SLC2A4RG: variants seen among roughly 807,000 people sequenced by gnomAD.
SLC2A4RG encodes GLUT4 enhancer factor.
SLC2A4RG carries 23 observed loss-of-function variants against 35.5 expected under a neutral mutation model. That is an observed-to-expected ratio of 0.65 (90% CI 0.47 to 0.92). The LOEUF is 0.92. SLC2A4RG is among the 40% of genes least tolerant of loss of function. The probability of loss-of-function intolerance (pLI) is 0.00; values close to 1 mark genes in which losing one functional copy is unlikely to be tolerated. For synonymous variants in SLC2A4RG, 306 were observed against 243.7 expected (o/e 1.26, Z -2.38); for missense variants, 539 against 525.0 (o/e 1.03, Z -0.26).
rs769721269 is a variant in SLC2A4RG, at chr20:63,742,736, C to T, written c.998C>T (p.Thr333Met). The T allele has an allele frequency of 1.0e-4, 165 of 1,596,298 alleles. No individual in the cohort carries two copies. The highest frequency in any genetic ancestry group is 1.4e-4 in the Non-Finnish European group (160 of 1,172,788). ...LTPARLEPQP[T>M]EVGACPPALS... ...CCCGCCCGCCTGGAGCCGCAGCCCA[C>T]GGAGGTCGGAGCCTGCCCACCCGCC... The change falls in exon 7 of 8, where the codon ACG becomes ATG. Residue 333 changes from threonine (T) to methionine (M), a missense_variant. Coordinates refer to ENST00000266077, the MANE Select transcript of SLC2A4RG (RefSeq NM_020062.4).
rs1404026636 is a variant in SLC2A4RG at position 63,741,883 on chromosome 20, C to T, written c.406C>T (p.Pro136Ser). 2.5e-6 allele frequency: 4 copies of T among 1,601,892 alleles called. No homozygotes were observed. The highest frequency in any genetic ancestry group is 1.1e-5 in the South Asian group (1 of 89,542). ...TGTCCCCACAGAGCCTGGCCTGGAGCCCTGGAAGGAGGCCCTGGTGCGGCC... is the reference window on the plus strand; with the variant it reads ...TGTCCCCACAGAGCCTGGCCTGGAGTCCTGGAAGGAGGCCCTGGTGCGGCC... The part of the protein sequence containing the change: ...AAFSPEPGLE[P>S]WKEALVRPPG... Residue 136 changes from proline to serine, a missense_variant, in exon 4 of 8, where the codon CCC (proline) becomes TCC (serine). Pro to Ser is a moderately conservative substitution (Grantham distance 74, BLOSUM62 -1). Coordinates refer to ENST00000266077, the MANE Select transcript of SLC2A4RG (RefSeq NM_020062.4).
chr20:63,741,957 C>A lies in SLC2A4RG; in HGVS notation c.480C>A (p.Asp160Glu), dbSNP rs2092044065. The change falls in exon 4 of 8, where the codon GAC becomes GAA. Residue 160 changes from aspartate to glutamate, a missense_variant. Coordinates refer to ENST00000266077, the MANE Select transcript of SLC2A4RG (RefSeq NM_020062.4). ...SSSNSGDWGW[D>E]LASDQSSPST... The stretch of plus-strand genomic sequence containing the variant: ...GCAACAGTGGAGACTGGGGATGGGA[C>A]CTGGCCAGTGACCAGTCCTCTCCGT... 6.2e-7 allele frequency: 1 copy of A among 1,612,882 alleles called. No individual in the cohort carries two copies. Among genetic ancestry groups the A allele is most frequent in the Admixed American group, 1.7e-5 (1 of 60,012 alleles).
intron 4 of SLC2A4RG, 34 bp from the exon 5 acceptor site, chr20:63,742,096 C>T (rs765151449): frequency 2.3e-5 from 37 of 1,605,674 alleles, no homozygotes; most frequent in Middle Eastern, 3.3e-4. Flanking sequence ...GCGGGTGTGG[C>T]GGCTGAGCCT....
At position 63,741,998 on chromosome 20, in the gene SLC2A4RG, C is replaced by T; in HGVS notation, c.521C>T (p.Pro174Leu). The change falls in exon 4 of 8, where the codon CCA becomes CTA. Residue 174 changes from proline to leucine, a missense_variant. Physicochemically the swap from Pro to Leu is moderately conservative, Grantham distance 98 (BLOSUM62 -3). Coordinates refer to ENST00000266077, the MANE Select transcript of SLC2A4RG (RefSeq NM_020062.4). The part of the protein sequence containing the change: ...DQSSPSTPSP[P>L]LPPEAAHFLF... Reference sequence around the variant, plus strand: ...TCCTCTCCGTCCACCCCGTCACCCCCACTGCCCCCCGAGGCAGCCCACTTT... The same window carrying T: ...TCCTCTCCGTCCACCCCGTCACCCCTACTGCCCCCCGAGGCAGCCCACTTT... The T allele has an allele frequency of 1.2e-6, 2 of 1,613,070 alleles. No homozygotes were observed. Among genetic ancestry groups the T allele is most frequent in the Non-Finnish European group, 1.7e-6 (2 of 1,179,786 alleles).
At chr20:63,741,238 C>T in intron 2 of SLC2A4RG, 132 bp from the exon 3 acceptor site, 1 of 804,560 alleles carries the variant, frequency 1.2e-6, no homozygotes, top group South Asian at 1.6e-5. Flanking sequence ...GGGGGAGGAG[C>T]CAGGCCTCAT....
At chr20:63,741,267 G>T (rs1045044266) in intron 2 of SLC2A4RG, 103 bp from the exon 3 acceptor site, 23 of 1,041,028 alleles carry the variant, frequency 2.2e-5, no homozygotes, top group Non-Finnish European at 3.2e-5. Context: ...CTGGGAGTGG[G>T]GAGCCTGGTG....
intron 2 of SLC2A4RG, 46 bp from the exon 3 acceptor site, chr20:63,741,324 C>T (rs1332608278): frequency 3.8e-6 from 6 of 1,576,676 alleles, no homozygotes; most frequent in Non-Finnish European, 5.2e-6. Context: ...GGGAGGGGCC[C>T]AGAGCTCTGG....
chr20:63,741,963 C>T lies in SLC2A4RG; in HGVS notation c.486C>T (p.Ala162=), dbSNP rs2145722890. 6.2e-7 allele frequency: 1 copy of T among 1,612,972 alleles called. No individual in the cohort carries two copies. The highest frequency in any genetic ancestry group is 8.5e-7 in the Non-Finnish European group (1 of 1,179,840). ...GTGGAGACTGGGGATGGGACCTGGC[C>T]AGTGACCAGTCCTCTCCGTCCACCC... is the stretch of plus-strand genomic sequence containing the variant. ...SNSGDWGWDL[A]SDQSSPSTPS... is the part of the protein sequence containing the mutation. The change falls in exon 4 of 8, where the codon GCC becomes GCT. Residue 162 remains alanine, a synonymous_variant. Transcript: ENST00000266077.
Position 63,739,796 on chromosome 20 carries a change from CGGGCGGCGGCCGGATCCA to C in SLC2A4RG, c.-110_-93del. The C allele has an allele frequency of 1.1e-6, 1 of 881,892 alleles. No individual in the cohort carries two copies. Among genetic ancestry groups the C allele is most frequent in the Non-Finnish European group, 1.3e-6 (1 of 741,520 alleles). The allele number at this position is 881,892 out of a possible 1,614,324, so 54.6% of individuals were successfully genotyped here. On this transcript the variant is annotated 5_prime_UTR_variant, in exon 1 of 8. Transcript: ENST00000266077. ...CGGGCAGCCTCCGGGCGGCGCGGCGCGGGCGGCGGCCGGATCCAGGGCGGGGGTCGGCGGCCCGGCCAG... is the reference window on the plus strand; with the variant it reads ...CGGGCAGCCTCCGGGCGGCGCGGCGCGGGCGGGGGTCGGCGGCCCGGCCAG...
In SLC2A4RG at chr20:63,742,951, C is replaced by T. The variant is rs779694054; in HGVS notation, c.1125C>T (p.Ala375=). Residue 375 remains alanine, a synonymous_variant, in exon 8 of 8, where the codon GCC becomes GCT. Transcript: ENST00000266077. ...AGCGCCGGGACCTCTGGTGCACAGC[C>T]TGCCGCTGGAAGAAAGCCTGCCAGC... is the stretch of plus-strand genomic sequence containing the variant. ...GMERRDLWCT[A]CRWKKACQRF... 1.9e-6 allele frequency: 3 copies of T among 1,612,260 alleles called. No individual in the cohort carries two copies. In the South Asian group the frequency reaches 3.3e-5, roughly 18 times the overall value.
In SLC2A4RG at chr20:63,741,388, C is replaced by T. The variant is rs770065382; in HGVS notation, c.300C>T (p.Ala100=). The T allele has an allele frequency of 2.2e-5, 36 of 1,613,010 alleles. No homozygotes were observed. The Admixed American group carries it at 6.0e-4, about 27-fold the overall frequency. ...VPAQRATPGK[A]RLDEVMAAAA... ...CCTCCAGAGCCACCCCAGGAAAAGC[C>T]CGGCTGGACGAGGTCATGGCTGCCG... Residue 100 remains alanine, a synonymous_variant, in exon 3 of 8, where the codon GCC becomes GCT. Transcript: ENST00000266077.
rs748366261 is a variant in SLC2A4RG, at chr20:63,742,472, T to A, written c.817T>A (p.Phe273Ile). 32 of 1,588,406 alleles carry A rather than the reference T, an allele frequency of 2.0e-5. No individual in the cohort carries two copies. In the Admixed American group the frequency reaches 4.8e-4, roughly 24 times the overall value. The change falls in exon 6 of 8, where the codon TTC (phenylalanine) becomes ATC (isoleucine). Residue 273 changes from phenylalanine (F) to isoleucine (I), a missense_variant. Physicochemically the swap from Phe to Ile is conservative, Grantham distance 21 (BLOSUM62 0). Coordinates refer to ENST00000266077, the MANE Select transcript of SLC2A4RG (RefSeq NM_020062.4). ...VSPTASMPPA[F>I]PRLELPELLE... is the part of the protein sequence containing the mutation. ...CCCCACGGCCTCCATGCCGCCTGCC[T>A]TCCCCCGCCTGGAGCTGCCAGAGCT... is the stretch of plus-strand genomic sequence containing the variant.
At position 63,742,553 on chromosome 20, in the gene SLC2A4RG, C is replaced by G; in HGVS notation, c.898C>G (p.Pro300Ala). The G allele has an allele frequency of 6.4e-7, 1 of 1,570,366 alleles. No homozygotes were observed. The highest frequency in any genetic ancestry group is 8.6e-7 in the Non-Finnish European group (1 of 1,157,082). ...GCGGCCGCCTGCCCCGCCCCTGCCC[C>G]CGCCCCCTGTCCTGAGCACCGTTGC... is the stretch of plus-strand genomic sequence containing the variant. The part of the protein sequence containing the change: ...PLRPPAPPLP[P>A]PPVLSTVANP... Residue 300 changes from proline (P) to alanine (A), a missense_variant, in exon 6 of 8, where the codon CCG (proline) becomes GCG (alanine). Physicochemically the swap from Pro to Ala is conservative, Grantham distance 27. Coordinates refer to ENST00000266077, the MANE Select transcript of SLC2A4RG (RefSeq NM_020062.4).
Position 63,742,325 on chromosome 20 carries a change from GTC to G in SLC2A4RG, c.681-8_681-7del, listed in dbSNP as rs759063053. On this transcript the variant is annotated splice_polypyrimidine_tract_variant and intron_variant, in intron 5 of 7. Coordinates refer to ENST00000266077, the MANE Select transcript of SLC2A4RG (RefSeq NM_020062.4). ...CCTTCAGCTCCCACTGGCTGGCTGT[GTC>G]TCCCGCAGGAGGCAGGCAGAGCCTG... is the stretch of plus-strand genomic sequence containing the variant. 1.9e-6 allele frequency: 3 copies of G among 1,606,584 alleles called. No homozygotes were observed. The South Asian group carries it at 3.3e-5, about 18-fold the overall frequency.
rs548093564 is a variant in SLC2A4RG, at chr20:63,743,154, C to G, written c.*164C>G. On this transcript the variant is annotated 3_prime_UTR_variant, in exon 8 of 8. Coordinates refer to ENST00000266077, the MANE Select transcript of SLC2A4RG (RefSeq NM_020062.4). ...GCGGGGCTGACCCTGAACCCTCCCCCCCGCCAGGTCGGGGAGGGGTCCCAC... is the reference window on the plus strand; with the variant it reads ...GCGGGGCTGACCCTGAACCCTCCCCGCCGCCAGGTCGGGGAGGGGTCCCAC... 4.7e-5 allele frequency: 27 copies of G among 571,580 alleles called. No homozygotes were observed. The highest frequency in any genetic ancestry group is 2.6e-4 in the South Asian group (12 of 45,312). The allele number at this position is 571,580 out of a possible 1,614,324, so 35.4% of individuals were successfully genotyped here.
chr20:63,741,367 C>T lies in SLC2A4RG; in HGVS notation c.282-3C>T. 2 of 1,612,442 alleles carry T rather than the reference C, an allele frequency of 1.2e-6. No individual in the cohort carries two copies. Among genetic ancestry groups the T allele is most frequent in the Non-Finnish European group, 1.7e-6 (2 of 1,179,844 alleles). ...ACCCGCACCCCGCCCCCATCTCCTC[C>T]AGAGCCACCCCAGGAAAAGCCCGGC... On this transcript the variant is annotated splice_polypyrimidine_tract_variant and splice_region_variant and intron_variant, in intron 2 of 7. Transcript: ENST00000266077.
intron 2 of SLC2A4RG, 126 bp downstream of exon 2, chr20:63,740,657 C>G (rs1198461535): frequency 4.2e-6 from 4 of 959,642 alleles, no homozygotes; most frequent in Non-Finnish European, 5.4e-6. Flanking sequence ...CACCCCCAAG[C>G]TCTTCAGCCC....
At position 63,742,391 on chromosome 20, in the gene SLC2A4RG, C is replaced by G; in HGVS notation, c.736C>G (p.Leu246Val). Residue 246 changes from leucine to valine, a missense_variant, in exon 6 of 8, where the codon CTG becomes GTG. Transcript: ENST00000266077. ...TGAGGAGGACTTCTACTACACAGAGCTGGATGTTGGTGTGGACACGCTGAC... is the reference window on the plus strand; with the variant it reads ...TGAGGAGGACTTCTACTACACAGAGGTGGATGTTGGTGTGGACACGCTGAC... ...DGEEDFYYTE[L>V]DVGVDTLTDG... 3.7e-6 allele frequency: 6 copies of G among 1,611,828 alleles called. No individual in the cohort carries two copies. Among genetic ancestry groups the G allele is most frequent in the Non-Finnish European group, 5.1e-6 (6 of 1,179,466 alleles).
Position 63,740,462 on chromosome 20 carries a change from C to T in SLC2A4RG, c.212C>T (p.Pro71Leu). The change falls in exon 2 of 8, where the codon CCC (proline) becomes CTC (leucine). Residue 71 changes from proline (P) to leucine (L), a missense_variant. By Grantham distance (98) the Pro-to-Leu change is moderately conservative. Transcript: ENST00000266077. ...CCGCGGGCCTCGGACCTGGGGGCCC[C>T]CCGGACGTGGACGGGGGCGGCGGCG... ...SEPRASDLGA[P>L]RTWTGAAAGP... 8.1e-7 allele frequency: 1 copy of T among 1,230,154 alleles called. No individual in the cohort carries two copies. The highest frequency in any genetic ancestry group is 1.0e-6 in the Non-Finnish European group (1 of 986,190). 76.2% of individuals were successfully genotyped at this position (1,230,154 alleles called of 1,614,324 possible).
Sources: gnomAD v4.1 joint callset for allele counts on GRCh38, gnomAD v4.1.1 for gene constraint, MANE v1.5 for transcripts, NCBI Gene and HGNC (gene_info 2026-07-23, HGNC 2026-07-21) for gene names.